Variants in MS4A2 observed in about 807,000 individuals in gnomAD.
MS4A2 encodes membrane spanning 4-domains A2.
MS4A2 carries 26 observed loss-of-function variants against 27.9 expected under a neutral mutation model. That is an observed-to-expected ratio of 0.93 (90% confidence interval 0.68 to 1.29). The LOEUF (loss-of-function observed/expected upper bound fraction) is 1.29. Among genes scored for constraint, MS4A2 ranks in the 50% most tolerant of loss-of-function variants. The pLI is 0.00. For missense variants in MS4A2, 284 were observed against 284.6 expected (o/e 1.00, Z 0.01); for synonymous variants, 110 against 98.8 (o/e 1.11, Z -0.67).
chr11:60,090,246 G>T lies in MS4A2; in HGVS notation c.187-90G>T. The T allele has an allele frequency of 3.8e-6, 5 of 1,319,444 alleles. No homozygotes were observed. The South Asian group carries it at 5.9e-5, about 16-fold the overall frequency. 81.7% of individuals were successfully genotyped at this position (1,319,444 alleles called of 1,614,324 possible). ...CAGGACAGTCTAGGACACTAACGCAGTTTCTCATGTTTGGCTTCTATTATT... is the reference window on the plus strand; with the variant it reads ...CAGGACAGTCTAGGACACTAACGCATTTTCTCATGTTTGGCTTCTATTATT... On this transcript the variant is annotated intron_variant, in intron 2 of 6. Transcript: ENST00000278888.
At position 60,095,930 on chromosome 11, in the gene MS4A2, A is replaced by T; in HGVS notation, c.*274A>T. ...GTCAACATGTAGTAAGCAAGATTTA[A>T]CTGTTTGATTATAACTGTGCAAATA... On this transcript the variant is annotated 3_prime_UTR_variant, in exon 7 of 7. Coordinates refer to ENST00000278888, the MANE Select transcript of MS4A2 (RefSeq NM_000139.5). 1 of 440,670 alleles carries T rather than the reference A, an allele frequency of 2.3e-6. No individual in the cohort carries two copies. The highest frequency in any genetic ancestry group is 4.1e-6 in the Non-Finnish European group (1 of 241,190). The allele number at this position is 440,670 out of a possible 1,614,324, so 27.3% of individuals were successfully genotyped here.
chr11:60,092,933 G>T, intron 4 of MS4A2, 85 bp downstream of exon 4: 2 of 1,285,784 alleles, frequency 1.6e-6, no homozygotes, highest in Non-Finnish European at 2.2e-6. Context: ...ACACATCTTT[G>T]TCTCCTATAT....
chr11:60,093,672 T>C, intron 5 of MS4A2, 114 bp downstream of exon 5: 1 of 1,407,526 alleles, frequency 7.1e-7, no homozygotes, highest in East Asian at 2.3e-5. Context: ...TATTACACAG[T>C]ATAGTGGTTC....
chr11:60,090,393 G>C lies in MS4A2; in HGVS notation c.244G>C (p.Val82Leu). The C allele has an allele frequency of 6.2e-7, 1 of 1,613,282 alleles. No individual in the cohort carries two copies. Among genetic ancestry groups the C allele is most frequent in the Non-Finnish European group, 8.5e-7 (1 of 1,179,794 alleles). The change falls in exon 3 of 7, where the codon GTA (valine) becomes CTA (leucine). Residue 82 changes from valine to leucine, a missense_variant. Physicochemically the swap from Val to Leu is conservative, Grantham distance 32. Transcript: ENST00000278888. ...CLCFGTVVCSVLDISHIEGDI... is the reference protein window; with the variant it reads ...CLCFGTVVCSLLDISHIEGDI... Reference sequence around the variant, plus strand: ...TTGTTTTGGAACAGTTGTCTGCTCTGTACTTGATATTTCACACATTGAGGG... The same window carrying C: ...TTGTTTTGGAACAGTTGTCTGCTCTCTACTTGATATTTCACACATTGAGGG...
chr11:60,088,443 A>C (rs1424188043), upstream of MS4A2: 2 of 300,896 alleles, frequency 6.6e-6, no homozygotes, highest in Non-Finnish European at 1.2e-5. Context: ...CTCAACTCCT[A>C]CTAAAATGTC....
intron 4 of MS4A2, 105 bp downstream of exon 4, chr11:60,092,953 A>G: frequency 1.9e-6 from 2 of 1,080,828 alleles, no homozygotes. Flanking sequence ...TTACTTGTGA[A>G]TGTGGATATA....
intron 4 of MS4A2, 48 bp from the exon 5 acceptor site, chr11:60,093,352 G>A (rs1364182570): frequency 1.2e-6 from 2 of 1,612,724 alleles, no homozygotes; most frequent in Non-Finnish European, 1.7e-6. Flanking sequence ...TTTATTGAAT[G>A]TGCCAGCAAG....
At chr11:60,089,630 G>A (rs775595719) in intron 1 of MS4A2, 62 bp from the exon 2 acceptor site, 85 of 1,605,260 alleles carry the variant, frequency 5.3e-5, no homozygotes, top group Middle Eastern at 1.7e-4. Context: ...TCTGTCTGTC[G>A]AGAATGTTGC....
chr11:60,088,881 G>A (rs1855703041), intron 1 of MS4A2, 60 bp downstream of exon 1: 3 of 1,505,336 alleles, frequency 2.0e-6, no homozygotes, highest in Admixed American at 1.8e-5. Flanking sequence ...GGAAGTCATA[G>A]TCACGGTGCT....
At chr11:60,089,957 G>A in intron 2 of MS4A2, 136 bp downstream of exon 2, 1 of 1,139,978 alleles carries the variant, frequency 8.8e-7, no homozygotes, top group Non-Finnish European at 1.2e-6. Context: ...ATAAAGAGTT[G>A]ACACTAACTG....
At position 60,089,768 on chromosome 11, in the gene MS4A2, C is replaced by T. The variant is rs1855723225; in HGVS notation, c.133C>T (p.Pro45Ser). ...SGRLLKSASS[P>S]PLHTWLTVLK... The stretch of plus-strand genomic sequence containing the variant: ...CAGACTATTGAAGTCGGCCTCATCC[C>T]CACCACTGCATACATGGCTGACAGT... The change falls in exon 2 of 7, where the codon CCA becomes TCA. Residue 45 changes from proline to serine, a missense_variant. Pro to Ser is a moderately conservative substitution (Grantham distance 74). Coordinates refer to ENST00000278888, the MANE Select transcript of MS4A2 (RefSeq NM_000139.5). 6.2e-7 allele frequency: 1 copy of T among 1,614,174 alleles called. No individual in the cohort carries two copies. The highest frequency in any genetic ancestry group is 8.5e-7 in the Non-Finnish European group (1 of 1,180,016).
chr11:60,092,667 G>A, intron 3 of MS4A2, 125 bp from the exon 4 acceptor site: 1 of 784,290 alleles, frequency 1.3e-6, no homozygotes, highest in Non-Finnish European at 2.2e-6. Flanking sequence ...TGGGCTCACA[G>A]GTGACATTAA....
intron 2 of MS4A2, 145 bp downstream of exon 2, chr11:60,089,966 TG>T: frequency 9.6e-7 from 1 of 1,038,976 alleles, no homozygotes; most frequent in Non-Finnish European, 1.4e-6. Flanking sequence ...TGACACTAAC[TG>T]GGTCCTTTTG....
rs1855901646 is a variant in MS4A2 at position 60,098,201 on chromosome 11, C to T, written c.*2545C>T. On this transcript the variant is annotated 3_prime_UTR_variant, in exon 7 of 7. Transcript: ENST00000278888. ...ACCCTACCTGCCTTTTATAGTATGC[C>T]CACCTCAGGCAGACACAGAGCACAA... The T allele has an allele frequency of 6.6e-6, 1 of 152,086 alleles. No homozygotes were observed. The highest frequency in any genetic ancestry group is 2.1e-4 in the South Asian group (1 of 4,828). 9.4% of individuals were successfully genotyped at this position (152,086 alleles called of 1,614,324 possible).
intron 5 of MS4A2, 112 bp downstream of exon 5, chr11:60,093,670 A>G (rs2134698423): frequency 2.1e-6 from 3 of 1,416,028 alleles, no homozygotes; most frequent in Admixed American, 3.5e-5. Context: ...TCTATTACAC[A>G]GTATAGTGGT....
At chr11:60,095,535 T>C (rs769007156) in intron 6 of MS4A2, 23 bp from the exon 7 acceptor site, 10 of 1,460,496 alleles carry the variant, frequency 6.8e-6, no homozygotes, top group Non-Finnish European at 9.6e-6. Context: ...GTGATTGATA[T>C]GAAATGATTT....
intron 3 of MS4A2, among the ~76,000 whole-genome samples, chr11:60,091,898 T>C (rs1855765968): frequency 6.6e-6 from 1 of 152,218 alleles, no homozygotes; most frequent in Non-Finnish European, 1.5e-5. Flanking sequence ...AATCTGAGTC[T>C]TTAGGAGATT....
In MS4A2 at chr11:60,089,969, G is replaced by A. The variant is rs148669161; in HGVS notation, c.186+148G>A. On this transcript the variant is annotated intron_variant, in intron 2 of 6. Coordinates refer to ENST00000278888, the MANE Select transcript of MS4A2 (RefSeq NM_000139.5). ...TAGATAAAGAGTTGACACTAACTGG[G>A]TCCTTTTGGGAAGAGAGAAGCATTT... The A allele has an allele frequency of 3.8e-3, 3,916 of 1,041,514 alleles. 12 individuals are homozygous for A. The highest frequency in any genetic ancestry group is 0.012 in the Middle Eastern group (55 of 4,492). 64.5% of individuals were successfully genotyped at this position (1,041,514 alleles called of 1,614,324 possible).
rs1336340855 is a variant in MS4A2 at position 60,098,101 on chromosome 11, T to C, written c.*2445T>C. 1 of 152,246 alleles carries C rather than the reference T, an allele frequency of 6.6e-6. No homozygotes were observed. The highest frequency in any genetic ancestry group is 2.4e-5 in the African/African-American group (1 of 41,458). The allele number at this position is 152,246 out of a possible 1,614,324, so 9.4% of individuals were successfully genotyped here. A position where few individuals can be genotyped will look rare whatever the true frequency, so the allele number is the denominator to read the frequency against. On this transcript the variant is annotated 3_prime_UTR_variant, in exon 7 of 7. Coordinates refer to ENST00000278888, the MANE Select transcript of MS4A2 (RefSeq NM_000139.5). Reference sequence around the variant, plus strand: ...TTATTTCACTCAATTTATATTTTCATCATTGACTACATATTTCTTATACAC... The same window carrying C: ...TTATTTCACTCAATTTATATTTTCACCATTGACTACATATTTCTTATACAC...
Sources: allele counts gnomAD v4.1 joint callset (sites outside exome capture counted in the v4.1 genomes callset), GRCh38; gene constraint gnomAD v4.1.1; transcripts MANE v1.5; gene names NCBI Gene and HGNC (gene_info 2026-07-23, HGNC 2026-07-21).